GPR39: variants seen among roughly 807,000 people sequenced by gnomAD.
GPR39 encodes zinc sensing receptor.
A neutral mutation model predicts 18.4 loss-of-function variants in GPR39; 23 were observed. The ratio of observed to expected loss-of-function variants is 1.25; its 90% CI spans 0.90 to 1.77. The LOEUF (loss-of-function observed/expected upper bound fraction) is 1.77, where lower values mean the gene tolerates loss of function less well. Ranked by LOEUF, GPR39 falls within the 40% of genes most tolerant of loss-of-function variation. The pLI, the probability that GPR39 is intolerant of heterozygous loss-of-function variation, is 0.00. For missense variants in GPR39, 647 were observed against 602.4 expected, an observed-to-expected ratio of 1.07 and a Z score of -0.78; for synonymous variants, 280 against 257.9, an observed-to-expected ratio of 1.09 and a Z score of -0.82.
rs1682052076 is a variant in GPR39 at position 132,646,009 on chromosome 2, A to AG, written c.*404dup. The AG allele has an allele frequency of 2.1e-6, 3 of 1,462,574 alleles. No individual in the cohort carries two copies. In the East Asian group the frequency reaches 7.1e-5, roughly 35 times the overall value. The allele number at this position is 1,462,574 out of a possible 1,614,324, so 90.6% of individuals were successfully genotyped here. A position where few individuals can be genotyped will look rare whatever the true frequency, so the allele number is the denominator to read the frequency against. On this transcript the variant is annotated 3_prime_UTR_variant, in exon 2 of 2. Coordinates refer to ENST00000329321, the MANE Select transcript of GPR39 (RefSeq NM_001508.3). Reference sequence around the variant, plus strand: ...TGGGGGGTTGGGGGCGAGGGCTGGAAGAACAATGCAGGAGGGGGTGGCATC... The same window carrying AG: ...TGGGGGGTTGGGGGCGAGGGCTGGAAGGAACAATGCAGGAGGGGGTGGCATC...
chr2:132,530,682 G>C (rs1013629088), intron 1 of GPR39, among the ~76,000 whole-genome samples: 11 of 152,254 alleles, frequency 7.2e-5, no homozygotes, highest in African/African-American at 2.7e-4. Context: ...AGCCAGAAGA[G>C]AGTGGGGGCT....
chr2:132,510,532 A>G (rs1288876424), intron 1 of GPR39, among the ~76,000 whole-genome samples: 2 of 152,164 alleles, frequency 1.3e-5, no homozygotes, highest in East Asian at 1.9e-4. Context: ...AGCCTGGACT[A>G]TTCCAGCCAG....
chr2:132,509,042 G>A (rs770765387), intron 1 of GPR39, among the ~76,000 whole-genome samples: 3 of 152,200 alleles, frequency 2.0e-5, no homozygotes, highest in South Asian at 2.1e-4. Context: ...GAAGGGAGAC[G>A]GGCATCAGAA....
At chr2:132,579,547 G>A (rs912568182) in intron 1 of GPR39, among the ~76,000 whole-genome samples, 2 of 152,158 alleles carry the variant, frequency 1.3e-5, no homozygotes, top group Admixed American at 6.5e-5. Context: ...GCTGAGAAAG[G>A]GGTGTTGAAG....
rs369194822 is a variant in GPR39 at position 132,646,313 on chromosome 2, G to T, written c.*707G>T. ...ACAGACCCAAAGGAGCTGAGTTAAC[G>T]TGCACCGGCAAAAGAATAGCTGTCC... On this transcript the variant is annotated 3_prime_UTR_variant, in exon 2 of 2. Transcript: ENST00000329321. 3 of 1,377,854 alleles carry T rather than the reference G, an allele frequency of 2.2e-6. No homozygotes were observed. Among genetic ancestry groups the T allele is most frequent in the Admixed American group, 2.9e-5 (1 of 34,840 alleles). The allele number at this position is 1,377,854 out of a possible 1,614,324, so 85.4% of individuals were successfully genotyped here.
intron 1 of GPR39, among the ~76,000 whole-genome samples, chr2:132,605,258 GT>G (rs1681113728): frequency 6.6e-6 from 1 of 152,212 alleles, no homozygotes; most frequent in Admixed American, 6.5e-5. Flanking sequence ...CAGGGAGAAG[GT>G]GGCATCAGAA....
chr2:132,620,880 G>A (rs1045671620), intron 1 of GPR39, among the ~76,000 whole-genome samples: 9 of 152,134 alleles, frequency 5.9e-5, no homozygotes, highest in Admixed American at 6.6e-5. Flanking sequence ...AGCCTCCCAA[G>A]TAGCTGGGAC....
chr2:132,539,087 G>T (rs3115036), intron 1 of GPR39, among the ~76,000 whole-genome samples: 53,470 of 151,822 alleles, frequency 0.35, 10,195 homozygotes, highest in African/African-American at 0.5. Flanking sequence ...CCTGTCTCAC[G>T]GGAGTTCCAG....
chr2:132,572,601 A>G (rs1343422071), intron 1 of GPR39, among the ~76,000 whole-genome samples: 2 of 151,992 alleles, frequency 1.3e-5, no homozygotes, highest in Non-Finnish European at 2.9e-5. Context: ...TTGTTGAATC[A>G]TGAAACCAAA....
chr2:132,473,299 CA>C (rs1004362320), intron 1 of GPR39, among the ~76,000 whole-genome samples: 26 of 152,240 alleles, frequency 1.7e-4, no homozygotes, highest in African/African-American at 6.0e-4. Flanking sequence ...GTATTTGTGG[CA>C]TTTATCTCCC....
intron 1 of GPR39, among the ~76,000 whole-genome samples, chr2:132,438,929 G>T (rs551601079): frequency 6.6e-6 from 1 of 152,110 alleles, no homozygotes; most frequent in Admixed American, 6.5e-5. Context: ...TTAATATGTC[G>T]CAGCGAGCAT....
chr2:132,630,274 A>G (rs1681624921), intron 1 of GPR39, among the ~76,000 whole-genome samples: 1 of 152,176 alleles, frequency 6.6e-6, no homozygotes, highest in Non-Finnish European at 1.5e-5. Flanking sequence ...AAGGCCTAAC[A>G]AGGAGGTCTC....
intron 1 of GPR39, among the ~76,000 whole-genome samples, chr2:132,580,969 A>C (rs1487395921): frequency 6.7e-6 from 1 of 149,064 alleles, no homozygotes; most frequent in Admixed American, 6.6e-5. Flanking sequence ...TCAAAAAAAA[A>C]AAACAAAAAA....
chr2:132,507,386 G>C (rs751788872), intron 1 of GPR39, among the ~76,000 whole-genome samples: 2 of 152,134 alleles, frequency 1.3e-5, no homozygotes, highest in African/African-American at 4.8e-5. Context: ...TGGGGCATAG[G>C]TTTCATTAGT....
intron 1 of GPR39, among the ~76,000 whole-genome samples, chr2:132,623,036 C>T (rs373501102): frequency 3.3e-5 from 5 of 152,036 alleles, no homozygotes; most frequent in African/African-American, 1.2e-4. Context: ...CACTTGAACT[C>T]GGGAGGCAGA....
At chr2:132,497,875 A>G (rs1558817049) in intron 1 of GPR39, among the ~76,000 whole-genome samples, 1 of 152,172 alleles carries the variant, frequency 6.6e-6, no homozygotes, top group Non-Finnish European at 1.5e-5. Context: ...AGCAGTCTCC[A>G]GAGAATATAT....
chr2:132,494,323 A>G (rs1225396831), intron 1 of GPR39, among the ~76,000 whole-genome samples: 1 of 152,130 alleles, frequency 6.6e-6, no homozygotes, highest in Non-Finnish European at 1.5e-5. Context: ...CTTTCAACTA[A>G]TGACATGAAC....
At chr2:132,632,587 T>C (rs987527880) in intron 1 of GPR39, among the ~76,000 whole-genome samples, 1 of 152,182 alleles carries the variant, frequency 6.6e-6, no homozygotes, top group Non-Finnish European at 1.5e-5. Flanking sequence ...CCAGGCTGCC[T>C]GGTCAAACTT....
rs560069245 is a variant in GPR39, at chr2:132,421,931, C to A, written c.856+4033C>A. Among the ~76,000 whole-genome samples, 14 of 152,134 alleles carry A rather than the reference C, an allele frequency of 9.2e-5. No individual in the cohort carries two copies. The East Asian group carries it at 2.7e-3, about 29-fold the overall frequency. On this transcript the variant is annotated intron_variant, in intron 1 of 1. Coordinates refer to ENST00000329321, the MANE Select transcript of GPR39 (RefSeq NM_001508.3). ...TGAAAAGAACTCATAAAGTTGGTTC[C>A]TTTAAAGTGGGGTTGAAAACATTTG...
Sources: allele counts gnomAD v4.1 joint callset (sites outside exome capture counted in the v4.1 genomes callset), GRCh38; gene constraint gnomAD v4.1.1; transcripts MANE v1.5; gene names NCBI Gene and HGNC (gene_info 2026-07-23, HGNC 2026-07-21).